CUX2: variants seen among roughly 807,000 people sequenced by gnomAD.
CUX2 encodes the protein cut like homeobox 2.
Under a neutral mutation model 144.8 loss-of-function variants are expected in CUX2, and 40 were observed. The observed-to-expected ratio is 0.28, with a 90% CI of 0.21 to 0.36. The LOEUF (loss-of-function observed/expected upper bound fraction) is 0.36, where lower values mean the gene tolerates loss of function less well. Ranked by LOEUF, CUX2 falls within the 10% of genes least tolerant of loss-of-function variation. The probability of loss-of-function intolerance (pLI) is 1.00; values close to 1 mark genes in which losing one functional copy is unlikely to be tolerated. For synonymous variants in CUX2, 827 were observed against 875.6 expected, an observed-to-expected ratio of 0.94 and a Z score of 0.98; for missense variants, 1,615 against 1,994.0, an observed-to-expected ratio of 0.81 and a Z score of 3.62.
intron 4 of CUX2, among the ~76,000 whole-genome samples, chr12:111,271,153 G>A (rs1000918180): frequency 2.6e-5 from 4 of 152,206 alleles, no homozygotes; most frequent in Non-Finnish European, 5.9e-5. Context: ...TGGATAAGCA[G>A]TGGTGCAGGC....
rs1384948516 is a variant in CUX2, at chr12:111,035,430, G to A, written c.63+1190G>A. 6.6e-6 allele frequency among the ~76,000 whole-genome samples: 1 copy of A among 151,866 alleles called. No individual in the cohort carries two copies. The highest frequency in any genetic ancestry group is 2.4e-5 in the African/African-American group (1 of 41,318). On this transcript the variant is annotated intron_variant, in intron 1 of 21. Coordinates refer to ENST00000261726, the MANE Select transcript of CUX2 (RefSeq NM_015267.4). The surrounding 1 kb of genome is among the most constrained non-coding windows in gnomAD (Gnocchi z 6.0). ...GCGGCTCCGGCCTCTGTTCTTTCCCGGAGTGCCCCGGACGCGCCTGGCAAG... is the reference window on the plus strand; with the variant it reads ...GCGGCTCCGGCCTCTGTTCTTTCCCAGAGTGCCCCGGACGCGCCTGGCAAG...
At chr12:111,315,995 C>T (rs1022280702) in intron 16 of CUX2, among the ~76,000 whole-genome samples, 4 of 152,158 alleles carry the variant, frequency 2.6e-5, no homozygotes, top group South Asian at 2.1e-4. Flanking sequence ...GAATATTTCA[C>T]GTGGTTGCTC....
intron 1 of CUX2, among the ~76,000 whole-genome samples, chr12:111,136,926 T>C (rs2136117609): frequency 6.6e-6 from 1 of 151,308 alleles, no homozygotes; most frequent in South Asian, 2.1e-4. Context: ...AAGAATCCGC[T>C]GTTTATTTTT....
intron 1 of CUX2, among the ~76,000 whole-genome samples, chr12:111,073,603 T>TAGC (rs1279282641): frequency 1.3e-5 from 2 of 152,068 alleles, no homozygotes; most frequent in African/African-American, 4.8e-5. Context: ...GTAGGATGCT[T>TAGC]AGCAGCATCT....
chr12:111,169,936 G>A (rs942318442), intron 1 of CUX2, among the ~76,000 whole-genome samples: 1 of 152,176 alleles, frequency 6.6e-6, no homozygotes, highest in Admixed American at 6.5e-5. Flanking sequence ...TGGACAGCAG[G>A]GAGCCCGCTA....
chr12:111,173,879 G>C (rs1878689562), intron 1 of CUX2, among the ~76,000 whole-genome samples: 1 of 152,224 alleles, frequency 6.6e-6, no homozygotes, highest in Non-Finnish European at 1.5e-5. Context: ...TGCTGGGCCA[G>C]AGACTTTGGG....
intron 1 of CUX2, among the ~76,000 whole-genome samples, chr12:111,195,379 G>GA (rs11285650): frequency 1.1e-4 from 16 of 148,268 alleles, no homozygotes; most frequent in African/African-American, 2.2e-4. Context: ...ACCCCTAGGA[G>GA]AAAAAAAAAA....
intron 4 of CUX2, among the ~76,000 whole-genome samples, chr12:111,278,685 G>A (rs770109093): frequency 1.3e-5 from 2 of 152,206 alleles, no homozygotes; most frequent in Non-Finnish European, 2.9e-5. Flanking sequence ...GATTCCCTTG[G>A]TGTTCCATGG....
intron 1 of CUX2, among the ~76,000 whole-genome samples, chr12:111,203,834 C>T (rs1314182145): frequency 6.6e-6 from 1 of 152,176 alleles, no homozygotes; most frequent in Non-Finnish European, 1.5e-5. Flanking sequence ...CAGGCAATGA[C>T]AGTGGCCTGG....
intron 1 of CUX2, among the ~76,000 whole-genome samples, chr12:111,100,657 G>A (rs1873166881): frequency 6.6e-6 from 1 of 152,200 alleles, no homozygotes; most frequent in African/African-American, 2.4e-5. Context: ...CTTGCATGGA[G>A]GAGGGTGTCA....
At chr12:111,064,396 T>G (rs1870937795) in intron 1 of CUX2, among the ~76,000 whole-genome samples, 1 of 152,166 alleles carries the variant, frequency 6.6e-6, no homozygotes. Flanking sequence ...ATCATGGGAT[T>G]TAAACATACG....
chr12:111,105,864 CT>C (rs1198818010), intron 1 of CUX2, among the ~76,000 whole-genome samples: 8,223 of 132,260 alleles, frequency 0.062, 512 homozygotes, highest in African/African-American at 0.2. Context: ...AATAATGAGT[CT>C]TTTTTTTTTT....
chr12:111,183,607 A>C (rs1348808263), intron 1 of CUX2, among the ~76,000 whole-genome samples: 2 of 152,136 alleles, frequency 1.3e-5, no homozygotes, highest in Non-Finnish European at 2.9e-5. Flanking sequence ...GCCTCATCAC[A>C]TTCTTAGCTT....
intron 3 of CUX2, among the ~76,000 whole-genome samples, chr12:111,229,419 G>C (rs1882348228): frequency 6.6e-6 from 1 of 152,222 alleles, no homozygotes; most frequent in South Asian, 2.1e-4. Context: ...CAGATGCCCT[G>C]AGCAGCAGGA....
rs1439694347 is a variant in CUX2 at position 111,068,756 on chromosome 12, C to T, written c.63+34516C>T. Reference sequence around the variant, plus strand: ...CCTGAGAGGAGAGGAGACGGGGTGCCGGTAATGCCCCCATGGCCCTCCTGT... The same window carrying T: ...CCTGAGAGGAGAGGAGACGGGGTGCTGGTAATGCCCCCATGGCCCTCCTGT... On this transcript the variant is annotated intron_variant, in intron 1 of 21. Transcript: ENST00000261726. This position sits in a 1 kb window ranked among gnomAD's most constrained non-coding sequence, Gnocchi z 4.9. 3.9e-5 allele frequency among the ~76,000 whole-genome samples: 6 copies of T among 152,122 alleles called. No individual in the cohort carries two copies. Among genetic ancestry groups the T allele is most frequent in the Non-Finnish European group, 8.8e-5 (6 of 68,020 alleles).
At chr12:111,062,221 T>C (rs1211903955) in intron 1 of CUX2, among the ~76,000 whole-genome samples, 1 of 152,200 alleles carries the variant, frequency 6.6e-6, no homozygotes, top group African/African-American at 2.4e-5. Flanking sequence ...CACGTTTCTG[T>C]TGGGGACACC....
At position 111,263,793 on chromosome 12, in the gene CUX2, G is replaced by A. The variant is rs547604078; in HGVS notation, c.255G>A (p.Ala85=). The A allele has an allele frequency of 3.1e-5, 50 of 1,614,166 alleles. No homozygotes were observed. Among genetic ancestry groups the A allele is most frequent in the South Asian group, 2.2e-4 (20 of 91,084 alleles). The change falls in exon 4 of 22, where the codon GCG becomes GCA. Residue 85 remains alanine, a synonymous_variant. Coordinates refer to ENST00000261726, the MANE Select transcript of CUX2 (RefSeq NM_015267.4). The surrounding 1 kb of genome is among the most constrained non-coding windows in gnomAD (Gnocchi z 4.0). ...VVALSKRSQE[A]EAAFLSVYKQ... ...CCCTTAGTAAGAGAAGTCAGGAGGC[G>A]GAGGCTGCTTTTCTGAGTGTTTACA...
chr12:111,038,529 G>C (rs1451971954), intron 1 of CUX2, among the ~76,000 whole-genome samples: 1 of 152,264 alleles, frequency 6.6e-6, no homozygotes, highest in Admixed American at 6.5e-5. Flanking sequence ...ACTCCAGCCA[G>C]TGGGTGACCC....
intron 1 of CUX2, among the ~76,000 whole-genome samples, chr12:111,123,232 A>G (rs1592917213): frequency 6.6e-6 from 1 of 151,876 alleles, no homozygotes; most frequent in Non-Finnish European, 1.5e-5. Context: ...GCCCAGGCTG[A>G]AGTGCAGTGG....
Sources: gnomAD v4.1 joint callset for allele counts (sites outside exome capture counted in the v4.1 genomes callset) on GRCh38, gnomAD v4.1.1 for gene constraint, Gnocchi (gnomAD v3.1) non-coding constraint, MANE v1.5 for transcripts, NCBI Gene and HGNC (gene_info 2026-07-23, HGNC 2026-07-21) for gene names.